Variants in CADM2 observed in about 807,000 individuals in gnomAD.
CADM2 encodes cell adhesion molecule 2.
CADM2 carries 12 observed loss-of-function variants against 49.8 expected under a neutral mutation model. The observed-to-expected ratio is 0.24, with a 90% CI of 0.15 to 0.39. The LOEUF (loss-of-function observed/expected upper bound fraction) is 0.39, where lower values mean the gene tolerates loss of function less well. Among genes scored for constraint, CADM2 ranks in the 10% least tolerant of loss-of-function variants. The pLI, the probability that CADM2 is intolerant of heterozygous loss-of-function variation, is 1.00. For missense variants in CADM2, 378 were observed against 492.3 expected (o/e 0.77, Z 2.20); for synonymous variants, 214 against 175.4 (o/e 1.22, Z -1.74).
At chr3:85,969,301 T>G (rs1342459993) in intron 8 of CADM2, among the ~76,000 whole-genome samples, 1 of 151,524 alleles carries the variant, frequency 6.6e-6, no homozygotes, top group East Asian at 2.0e-4. Context: ...CTCATCACTC[T>G]TCACACACCC....
In CADM2 at chr3:85,757,630, G is replaced by T. The variant is rs1245849190; in HGVS notation, c.88+31082G>T. ...ATAGAAGTTGAGCCAGATACTGAAG[G>T]GATGGGCTACTGCACATGATTAATG... On this transcript the variant is annotated intron_variant, in intron 2 of 9. Transcript: ENST00000383699. Among the ~76,000 whole-genome samples, 5 of 152,148 alleles carry T rather than the reference G, an allele frequency of 3.3e-5. No individual in the cohort carries two copies. In the East Asian group the frequency reaches 7.7e-4, roughly 24 times the overall value.
In CADM2 at chr3:85,671,283, T is replaced by A. The variant is rs375227535; in HGVS notation, c.62-55239T>A. 3.0e-4 allele frequency among the ~76,000 whole-genome samples: 45 copies of A among 152,292 alleles called. 1 individual carries two copies. The East Asian group carries it at 3.1e-3, about 10-fold the overall frequency. Reference sequence around the variant, plus strand: ...GACCAACTAAAACAATAAATATTTCTTGCTTGTTTTCAAAGCTTGTGTATC... The same window carrying A: ...GACCAACTAAAACAATAAATATTTCATGCTTGTTTTCAAAGCTTGTGTATC... On this transcript the variant is annotated intron_variant, in intron 1 of 9. Transcript: ENST00000383699.
intron 3 of CADM2, among the ~76,000 whole-genome samples, chr3:85,858,252 G>T (rs769447186): frequency 2.0e-5 from 3 of 152,166 alleles, no homozygotes; most frequent in Admixed American, 6.5e-5. Context: ...CACATTTGAT[G>T]AAACATGTTA....
At chr3:85,360,469 T>A (rs2032277371) in intron 1 of CADM2, among the ~76,000 whole-genome samples, 1 of 152,208 alleles carries the variant, frequency 6.6e-6, no homozygotes, top group South Asian at 2.1e-4. Context: ...TATTTTTGGA[T>A]TCATGTATCT....
At chr3:85,552,896 C>G (rs2061849341) in intron 1 of CADM2, among the ~76,000 whole-genome samples, 1 of 152,088 alleles carries the variant, frequency 6.6e-6, no homozygotes, top group Admixed American at 6.6e-5. Context: ...TCAGGATGGT[C>G]TTGATCTCCT....
intron 1 of CADM2, among the ~76,000 whole-genome samples, chr3:85,236,268 G>T (rs1576182758): frequency 6.6e-6 from 1 of 151,922 alleles, no homozygotes; most frequent in Non-Finnish European, 1.5e-5. Context: ...TATATATGTA[G>T]AATTATATGC....
At chr3:85,278,222 C>A (rs2043407738) in intron 1 of CADM2, among the ~76,000 whole-genome samples, 1 of 151,270 alleles carries the variant, frequency 6.6e-6, no homozygotes. Flanking sequence ...TTATGTTGAT[C>A]TTTACAACAG....
chr3:85,350,027 C>T (rs1207073702), intron 1 of CADM2, among the ~76,000 whole-genome samples: 1 of 152,168 alleles, frequency 6.6e-6, no homozygotes, highest in East Asian at 1.9e-4. Context: ...AAACCTTTGC[C>T]TTGGCAAGGT....
intron 8 of CADM2, among the ~76,000 whole-genome samples, chr3:85,982,107 G>A (rs1387163179): frequency 6.6e-6 from 1 of 151,706 alleles, no homozygotes; most frequent in Non-Finnish European, 1.5e-5. Flanking sequence ...AATGATTAGT[G>A]ATGTTGAGCA....
At chr3:85,938,373 G>C (rs113833129) in intron 7 of CADM2, among the ~76,000 whole-genome samples, 6 of 152,040 alleles carry the variant, frequency 3.9e-5, no homozygotes, top group Admixed American at 1.3e-4. Flanking sequence ...GGTTTAATCA[G>C]GGAGTTAGTA....
chr3:85,524,741 G>A (rs1053629192), intron 1 of CADM2, among the ~76,000 whole-genome samples: 2 of 152,214 alleles, frequency 1.3e-5, no homozygotes, highest in Middle Eastern at 6.8e-3. Flanking sequence ...TTCAGACTGT[G>A]ATTATGGATT....
intron 1 of CADM2, among the ~76,000 whole-genome samples, chr3:85,477,039 T>C (rs2039004297): frequency 6.6e-6 from 1 of 151,758 alleles, no homozygotes; most frequent in Non-Finnish European, 1.5e-5. Context: ...TTTCAGCTCA[T>C]GTGGTTTGCA....
chr3:85,779,216 G>A (rs913561617), intron 2 of CADM2, among the ~76,000 whole-genome samples: 1 of 151,416 alleles, frequency 6.6e-6, no homozygotes, highest in African/African-American at 2.4e-5. Context: ...TTTAATCAAT[G>A]CAATGACTGT....
At chr3:85,143,604 A>G (rs1227042568) in intron 1 of CADM2, among the ~76,000 whole-genome samples, 1 of 152,210 alleles carries the variant, frequency 6.6e-6, no homozygotes, top group Non-Finnish European at 1.5e-5. Context: ...ACTTGTGTGA[A>G]TGATAAGAAC....
At position 85,383,516 on chromosome 3, in the gene CADM2, G is replaced by GTATATATA. The variant is rs994717831; in HGVS notation, c.62-342991_62-342984dup. On this transcript the variant is annotated intron_variant, in intron 1 of 9. Coordinates refer to ENST00000383699, the MANE Select transcript of CADM2 (RefSeq NM_001167675.2). ...TATACATAAAACCATATATATATAT[G>GTATATATA]TATATATATATATATATATATACAT... 1.2e-4 allele frequency among the ~76,000 whole-genome samples: 3 copies of GTATATATA among 24,456 alleles called. No individual in the cohort carries two copies. In the Admixed American group the frequency reaches 1.8e-3, roughly 15 times the overall value. 16.0% of individuals were successfully genotyped at this position (24,456 alleles called of 152,430 possible).
At chr3:85,010,093 G>A (rs1462309518) in intron 1 of CADM2, among the ~76,000 whole-genome samples, 1 of 151,836 alleles carries the variant, frequency 6.6e-6, no homozygotes, top group Non-Finnish European at 1.5e-5. Flanking sequence ...CCCCAATAAA[G>A]ATTTTGAAGG....
intron 1 of CADM2, among the ~76,000 whole-genome samples, chr3:85,147,994 C>T (rs924011623): frequency 6.6e-6 from 1 of 152,112 alleles, no homozygotes; most frequent in Non-Finnish European, 1.5e-5. Context: ...CACCAAGTTG[C>T]TGTTGTTGGA....
At chr3:85,774,948 G>T (rs1431098099) in intron 2 of CADM2, among the ~76,000 whole-genome samples, 1 of 151,466 alleles carries the variant, frequency 6.6e-6, no homozygotes, top group Non-Finnish European at 1.5e-5. Context: ...GTTAAATCTA[G>T]AAAATACACA....
chr3:84,985,595 G>A (rs1387825270), intron 1 of CADM2, among the ~76,000 whole-genome samples: 1 of 152,182 alleles, frequency 6.6e-6, no homozygotes, highest in African/African-American at 2.4e-5. Flanking sequence ...ATTCATTGAT[G>A]TTTGCGTCTT....
Sources: gnomAD v4.1 joint callset for allele counts (sites outside exome capture counted in the v4.1 genomes callset) on GRCh38, gnomAD v4.1.1 for gene constraint, MANE v1.5 for transcripts, NCBI Gene and HGNC (gene_info 2026-07-23, HGNC 2026-07-21) for gene names.